CCSER1: variants seen among roughly 807,000 people sequenced by gnomAD.
CCSER1 encodes the protein serine-rich coiled-coil domain-containing protein 1.
CCSER1 carries 41 observed loss-of-function variants against 82.0 expected under a neutral mutation model. That is an observed-to-expected ratio of 0.50 (90% CI 0.39 to 0.65). The LOEUF (loss-of-function observed/expected upper bound fraction) is 0.65. Ranked by LOEUF, CCSER1 falls within the 30% of genes least tolerant of loss-of-function variation. CCSER1 has a pLI of 0.00. For synonymous variants in CCSER1, 414 were observed against 383.9 expected (o/e 1.08, Z -0.92); for missense variants, 1,119 against 1,064.2 (o/e 1.05, Z -0.72).
chr4:91,466,593 A>G (rs990842854), intron 10 of CCSER1, among the ~76,000 whole-genome samples: 3 of 152,220 alleles, frequency 2.0e-5, no homozygotes, highest in African/African-American at 7.2e-5. Context: ...ATGATGGCAT[A>G]TTTAGAAAAC....
At chr4:90,558,801 G>A (rs1447046790) in intron 5 of CCSER1, among the ~76,000 whole-genome samples, 2 of 152,124 alleles carry the variant, frequency 1.3e-5, no homozygotes, top group African/African-American at 2.4e-5. Context: ...AGGGAAGGGG[G>A]ACACCTGCCT....
intron 3 of CCSER1, among the ~76,000 whole-genome samples, chr4:90,360,169 A>G (rs58002479): frequency 6.8e-6 from 1 of 147,216 alleles, no homozygotes; most frequent in Non-Finnish European, 1.5e-5. Flanking sequence ...CGCCCGCCTC[A>G]GCCTCCGAAA....
At chr4:91,494,565 TAC>T (rs1357593456) in intron 10 of CCSER1, among the ~76,000 whole-genome samples, 1 of 151,818 alleles carries the variant, frequency 6.6e-6, no homozygotes, top group Non-Finnish European at 1.5e-5. Flanking sequence ...GAAATATGCA[TAC>T]AGTTTATTTG....
chr4:90,915,053 C>T (rs941480823), intron 8 of CCSER1, among the ~76,000 whole-genome samples: 3 of 152,110 alleles, frequency 2.0e-5, no homozygotes, highest in East Asian at 1.9e-4. Flanking sequence ...AGTCCTGGAC[C>T]AGACGGATTC....
chr4:91,525,692 A>T (rs1450859546), intron 10 of CCSER1, among the ~76,000 whole-genome samples: 1 of 151,960 alleles, frequency 6.6e-6, no homozygotes, highest in Non-Finnish European at 1.5e-5. Flanking sequence ...ATTTGTCTCC[A>T]TCTGTCTCAG....
At chr4:90,797,514 T>C (rs1034690327) in intron 7 of CCSER1, among the ~76,000 whole-genome samples, 12 of 152,230 alleles carry the variant, frequency 7.9e-5, no homozygotes, top group African/African-American at 2.9e-4. Context: ...GATTTGATTC[T>C]GTTATGATGT....
intron 7 of CCSER1, chr4:90,781,831 C>G: frequency 1.1e-6 from 1 of 947,820 alleles, no homozygotes; most frequent in Non-Finnish European, 1.3e-6. Flanking sequence ...AGTCACTTAT[C>G]TTTTCTATTT....
intron 10 of CCSER1, among the ~76,000 whole-genome samples, chr4:91,276,540 GGT>G (rs1417012693): frequency 6.6e-6 from 1 of 151,688 alleles, no homozygotes; most frequent in Non-Finnish European, 1.5e-5. Context: ...AAGAGTTTTT[GGT>G]GGAGTCTTTA....
chr4:90,525,340 T>G (rs796717690), intron 5 of CCSER1, among the ~76,000 whole-genome samples: 5 of 152,272 alleles, frequency 3.3e-5, no homozygotes, highest in African/African-American at 1.2e-4. Context: ...AATATTTTCT[T>G]TTATAATTTC....
intron 6 of CCSER1, among the ~76,000 whole-genome samples, chr4:90,689,306 G>T (rs1388484114): frequency 6.6e-6 from 1 of 152,106 alleles, no homozygotes; most frequent in Admixed American, 6.6e-5. Flanking sequence ...TGGGCATTCA[G>T]TAGGTCAAAG....
intron 6 of CCSER1, among the ~76,000 whole-genome samples, chr4:90,674,765 A>G (rs1192892190): frequency 1.3e-5 from 2 of 151,714 alleles, no homozygotes; most frequent in African/African-American, 2.4e-5. Context: ...TTTTTATAGC[A>G]TGTAAGAAAA....
intron 9 of CCSER1, among the ~76,000 whole-genome samples, chr4:91,041,222 G>A (rs1741929049): frequency 6.6e-6 from 1 of 152,072 alleles, no homozygotes; most frequent in Admixed American, 6.6e-5. Context: ...TAAGTCCCAG[G>A]TTCTCATCCC....
intron 9 of CCSER1, among the ~76,000 whole-genome samples, chr4:90,958,721 T>C (rs1037562415): frequency 6.6e-6 from 1 of 152,112 alleles, no homozygotes; most frequent in Non-Finnish European, 1.5e-5. Flanking sequence ...GACTGCCACA[T>C]GAGAACCCAG....
At chr4:90,230,770 T>G (rs1249572252) in intron 1 of CCSER1, among the ~76,000 whole-genome samples, 1 of 151,340 alleles carries the variant, frequency 6.6e-6, no homozygotes, top group South Asian at 2.1e-4. Context: ...ATAGACGCAA[T>G]AAAAAATGAT....
Position 91,094,301 on chromosome 4 carries a change from G to A in CCSER1, c.2217+8307G>A, listed in dbSNP as rs148832299. 7.5e-3 allele frequency among the ~76,000 whole-genome samples: 1,135 copies of A among 152,256 alleles called. 46 individuals carry two copies. Among genetic ancestry groups the A allele is most frequent in the Admixed American group, 0.067 (1,017 of 15,292 alleles). The stretch of plus-strand genomic sequence containing the variant: ...GTACTGAGTAGTAACACCTGACCCC[G>A]GATCTTCCCACTGAAAGGCAAACAG... On this transcript the variant is annotated intron_variant, in intron 10 of 10. Coordinates refer to ENST00000509176, the MANE Select transcript of CCSER1 (RefSeq NM_001145065.2).
At chr4:90,300,852 G>A (rs928762822) in intron 1 of CCSER1, among the ~76,000 whole-genome samples, 6 of 152,082 alleles carry the variant, frequency 3.9e-5, no homozygotes, top group African/African-American at 1.4e-4. Flanking sequence ...TTGAGACAGG[G>A]TCTCGCTCTG....
intron 10 of CCSER1, among the ~76,000 whole-genome samples, chr4:91,469,691 G>A (rs1196311541): frequency 1.3e-5 from 2 of 152,150 alleles, no homozygotes; most frequent in Admixed American, 1.3e-4. Context: ...CTTACATGAA[G>A]TGGCTCAACC....
At chr4:91,387,284 G>T (rs1007255902) in intron 10 of CCSER1, among the ~76,000 whole-genome samples, 5 of 151,946 alleles carry the variant, frequency 3.3e-5, no homozygotes, top group Non-Finnish European at 5.9e-5. Context: ...AACAATGGGT[G>T]AATCTCAGTA....
At chr4:90,844,167 T>C (rs1349536569) in intron 8 of CCSER1, among the ~76,000 whole-genome samples, 5 of 151,372 alleles carry the variant, frequency 3.3e-5, no homozygotes, top group Non-Finnish European at 7.4e-5. Context: ...TATAGATAGA[T>C]AGATAGAGAA....
Sources: allele counts gnomAD v4.1 joint callset (sites outside exome capture counted in the v4.1 genomes callset), GRCh38; gene constraint gnomAD v4.1.1; transcripts MANE v1.5; gene names NCBI Gene and HGNC (gene_info 2026-07-23, HGNC 2026-07-21).